The following LIPK variants were observed in gnomAD, a reference collection of about 807,000 sequenced individuals.
LIPK encodes the protein lipase member K.
A neutral mutation model predicts 48.6 loss-of-function variants in LIPK; 32 were observed. That is an observed-to-expected ratio of 0.66 (90% confidence interval 0.50 to 0.88). The LOEUF (loss-of-function observed/expected upper bound fraction) is 0.88, where lower values mean the gene tolerates loss of function less well. Ranked by LOEUF, LIPK falls within the 40% of genes least tolerant of loss-of-function variation. The pLI, the probability that LIPK is intolerant of heterozygous loss-of-function variation, is 0.00. For synonymous variants in LIPK, 164 were observed against 157.4 expected, an observed-to-expected ratio of 1.04 and a Z score of -0.32; for missense variants, 507 against 478.5, an observed-to-expected ratio of 1.06 and a Z score of -0.56.
chr10:88,746,250 C>G (rs1228049851), intron 9 of LIPK, among the ~76,000 whole-genome samples: 1 of 152,064 alleles, frequency 6.6e-6, no homozygotes, highest in African/African-American at 2.4e-5. Flanking sequence ...ATATTTGGGA[C>G]CTAAACTTGA....
At chr10:88,752,240 T>C (rs899324164) in intron 9 of LIPK, among the ~76,000 whole-genome samples, 2 of 152,088 alleles carry the variant, frequency 1.3e-5, no homozygotes, top group South Asian at 2.1e-4. Flanking sequence ...TGATCCCCCA[T>C]GGAAAAAAGA....
chr10:88,751,881 A>T (rs1307284233), intron 9 of LIPK, among the ~76,000 whole-genome samples: 1 of 152,172 alleles, frequency 6.6e-6, no homozygotes, highest in Non-Finnish European at 1.5e-5. Context: ...CCCATCTCTC[A>T]TACAATCACT....
intron 9 of LIPK, among the ~76,000 whole-genome samples, chr10:88,751,634 C>A (rs1842864699): frequency 1.3e-5 from 2 of 152,156 alleles, no homozygotes; most frequent in Non-Finnish European, 2.9e-5. Context: ...CCTGACTTTT[C>A]TCCCCAGCTG....
chr10:88,715,929 A>G (rs189170178), intron 1 of LIPK, among the ~76,000 whole-genome samples: 3 of 152,194 alleles, frequency 2.0e-5, no homozygotes, highest in Admixed American at 6.5e-5. Flanking sequence ...TTTGTACCCT[A>G]TTATCTGATG....
chr10:88,743,890 C>G (rs1387762341), intron 9 of LIPK, among the ~76,000 whole-genome samples: 2 of 152,290 alleles, frequency 1.3e-5, no homozygotes, highest in East Asian at 1.9e-4. Flanking sequence ...CACCCCACAA[C>G]CCCCATAGAC....
At chr10:88,741,032 G>C (rs1272134525) in intron 8 of LIPK, among the ~76,000 whole-genome samples, 1 of 152,130 alleles carries the variant, frequency 6.6e-6, no homozygotes, top group East Asian at 1.9e-4. Flanking sequence ...CCTCTTATGA[G>C]CATGGCCTTC....
At chr10:88,709,497 A>G (rs1170539527) in intron 1 of LIPK, among the ~76,000 whole-genome samples, 4 of 150,920 alleles carry the variant, frequency 2.7e-5, no homozygotes, top group Non-Finnish European at 5.9e-5. Flanking sequence ...TCATTGTTCA[A>G]CTCTCACCTA....
At chr10:88,732,869 A>G (rs551388074) in intron 6 of LIPK, among the ~76,000 whole-genome samples, 42 of 152,264 alleles carry the variant, frequency 2.8e-4, no homozygotes, top group East Asian at 3.9e-4. Context: ...AGTGATCCCT[A>G]ATTTTTTAGG....
At chr10:88,744,977 A>G (rs905614244) in intron 9 of LIPK, among the ~76,000 whole-genome samples, 8 of 152,252 alleles carry the variant, frequency 5.3e-5, no homozygotes, top group African/African-American at 1.7e-4. Flanking sequence ...TAAGAATTTC[A>G]TAATATAACC....
intron 6 of LIPK, 68 bp from the exon 7 acceptor site, chr10:88,737,567 A>G (rs1842597436): frequency 3.9e-6 from 6 of 1,536,444 alleles, no homozygotes; most frequent in Admixed American, 1.7e-5. Context: ...CCTTCTTTGA[A>G]CTATCTCTTT....
At chr10:88,726,676 A>C in intron 2 of LIPK, 119 bp from the exon 3 acceptor site, 1 of 639,960 alleles carries the variant, frequency 1.6e-6, no homozygotes, top group South Asian at 1.9e-5. Context: ...CCCAGGGAAC[A>C]CAGTGAGACC....
intron 9 of LIPK, among the ~76,000 whole-genome samples, chr10:88,745,779 A>G (rs1368843238): frequency 1.3e-5 from 2 of 152,220 alleles, no homozygotes; most frequent in Non-Finnish European, 2.9e-5. Context: ...ACACATATTG[A>G]TATTAACCTT....
At chr10:88,738,218 G>C (rs1842613208) in intron 7 of LIPK, among the ~76,000 whole-genome samples, 1 of 152,230 alleles carries the variant, frequency 6.6e-6, no homozygotes, top group Non-Finnish European at 1.5e-5. Flanking sequence ...AGGAGGCATG[G>C]TTCTTCAACA....
chr10:88,722,977 T>C (rs1842261181), intron 1 of LIPK, among the ~76,000 whole-genome samples: 1 of 147,722 alleles, frequency 6.8e-6, no homozygotes, highest in African/African-American at 2.5e-5. Flanking sequence ...CTCAAACTCC[T>C]GGGCCCAGGT....
chr10:88,744,554 G>T (rs1377706250), intron 9 of LIPK, among the ~76,000 whole-genome samples: 1 of 152,162 alleles, frequency 6.6e-6, no homozygotes, highest in Non-Finnish European at 1.5e-5. Context: ...ATCCAGAAAT[G>T]AAGCCAGTCA....
chr10:88,712,024 A>G (rs1476920683), intron 1 of LIPK, among the ~76,000 whole-genome samples: 1 of 152,138 alleles, frequency 6.6e-6, no homozygotes, highest in Non-Finnish European at 1.5e-5. Context: ...TGCAGGAATA[A>G]TTGTTGAAAA....
intron 7 of LIPK, among the ~76,000 whole-genome samples, chr10:88,738,895 A>G (rs1842626497): frequency 6.6e-6 from 1 of 152,230 alleles, no homozygotes. Flanking sequence ...CATAAGTAAT[A>G]TTGGTGGAAC....
At chr10:88,731,873 G>A (rs183634171) in intron 4 of LIPK, among the ~76,000 whole-genome samples, 29 of 152,298 alleles carry the variant, frequency 1.9e-4, no homozygotes, top group African/African-American at 6.7e-4. Context: ...AGCATTCCAG[G>A]TAATTGCTCT....
chr10:88,724,412 A>AAC, intron 1 of LIPK, 121 bp from the exon 2 acceptor site: 1 of 639,150 alleles, frequency 1.6e-6, no homozygotes, highest in Non-Finnish European at 2.8e-6. Context: ...TCTACTGGTT[A>AAC]AAGCACAGCC....
Sources: gnomAD v4.1 joint callset for allele counts (sites outside exome capture counted in the v4.1 genomes callset) on GRCh38, gnomAD v4.1.1 for gene constraint, MANE v1.5 for transcripts, NCBI Gene and HGNC (gene_info 2026-07-23, HGNC 2026-07-21) for gene names.